ZC3H7B: variants seen among roughly 807,000 people sequenced by gnomAD.
ZC3H7B encodes the protein zinc finger CCCH-type containing 7B, also known as zinc finger CCCH domain-containing protein 7B.
A neutral mutation model predicts 116.0 loss-of-function variants in ZC3H7B; 35 were observed. The ratio of observed to expected loss-of-function variants is 0.30; its 90% CI spans 0.23 to 0.40. The LOEUF (loss-of-function observed/expected upper bound fraction) is 0.40. Ranked by LOEUF, ZC3H7B falls within the 10% of genes least tolerant of loss-of-function variation. The pLI is 1.00. For synonymous variants in ZC3H7B, 502 were observed against 545.6 expected (o/e 0.92, Z 1.11); for missense variants, 1,011 against 1,321.5 (o/e 0.77, Z 3.64).
intron 2 of ZC3H7B, 40 bp from the exon 3 acceptor site, chr22:41,325,524 G>A (rs771010699): frequency 1.2e-5 from 19 of 1,594,692 alleles, no homozygotes; most frequent in South Asian, 2.3e-5. Context: ...AGCTGGGACC[G>A]CCGGGCTCAC....
chr22:41,343,241 C>T (rs570550031), intron 12 of ZC3H7B, among the ~76,000 whole-genome samples, 174 bp from the exon 13 acceptor site: 10 of 152,292 alleles, frequency 6.6e-5, no homozygotes, highest in African/African-American at 9.6e-5. Context: ...CACAGTCCCC[C>T]GGTCTCCAGG....
chr22:41,318,061 A>G (rs2036206901), intron 1 of ZC3H7B, among the ~76,000 whole-genome samples: 1 of 152,248 alleles, frequency 6.6e-6, no homozygotes, highest in Non-Finnish European at 1.5e-5. Context: ...AAAGCTAGAC[A>G]TAGAGTGGCC....
intron 11 of ZC3H7B, among the ~76,000 whole-genome samples, chr22:41,342,019 G>A (rs936056428): frequency 7.3e-5 from 11 of 149,938 alleles, no homozygotes; most frequent in Non-Finnish European, 7.4e-5. Context: ...CTGAGAGCAC[G>A]CCATTGCACT....
intron 1 of ZC3H7B, among the ~76,000 whole-genome samples, chr22:41,313,402 G>A (rs1422724994): frequency 1.3e-5 from 2 of 152,068 alleles, no homozygotes; most frequent in Non-Finnish European, 2.9e-5. Flanking sequence ...GTGAGCCACC[G>A]TACCCGGCCA....
At chr22:41,325,532 C>T (rs1190823105) in intron 2 of ZC3H7B, 32 bp from the exon 3 acceptor site, 4 of 1,601,048 alleles carry the variant, frequency 2.5e-6, no homozygotes, top group Admixed American at 1.7e-5. Flanking sequence ...CCGCCGGGCT[C>T]ACCCAGGCCT....
intron 2 of ZC3H7B, among the ~76,000 whole-genome samples, chr22:41,321,829 CTTTTTTTTTT>C (rs199611879): frequency 2.5e-4 from 23 of 91,018 alleles, no homozygotes; most frequent in Middle Eastern, 0.013. Context: ...AACTCACATT[CTTTTTTTTTT>C]TTTTTTTTTT....
Position 41,346,962 on chromosome 22 carries a change from A to C in ZC3H7B, c.1665+754A>C, listed in dbSNP as rs1343450916. ...AGCCTGGGTGACAGAGTGAGACCCT[A>C]TTCCAAAAAAAAAAAAAAAAAAATG... is the stretch of plus-strand genomic sequence containing the variant. On this transcript the variant is annotated intron_variant, in intron 14 of 22. Transcript: ENST00000352645. The surrounding 1 kb of genome is among the most constrained non-coding windows in gnomAD (Gnocchi z 5.3). Among the ~76,000 whole-genome samples, 2 of 131,194 alleles carry C rather than the reference A, an allele frequency of 1.5e-5. No individual in the cohort carries two copies. The highest frequency in any genetic ancestry group is 3.2e-5 in the Non-Finnish European group (2 of 62,104). 86.1% of individuals were successfully genotyped at this position (131,194 alleles called of 152,430 possible).
intron 1 of ZC3H7B, among the ~76,000 whole-genome samples, chr22:41,315,480 G>T (rs116772608): frequency 6.6e-6 from 1 of 150,550 alleles, no homozygotes; most frequent in Non-Finnish European, 1.5e-5. Context: ...AAGCCCAGCC[G>T]TACCTCCCTC....
rs779378272 is a variant in ZC3H7B at position 41,327,387 on chromosome 22, G to A, written c.444+23G>A. 1.9e-5 allele frequency: 30 copies of A among 1,603,560 alleles called. No homozygotes were observed. The highest frequency in any genetic ancestry group is 1.9e-4 in the Middle Eastern group (1 of 5,332). ...CACGTGAGTGTGGCTCTGCAGCCAC[G>A]CCGGTGCCTGCTCAGAGGCCAGGCT... On this transcript the variant is annotated intron_variant, in intron 5 of 22. Coordinates refer to ENST00000352645, the MANE Select transcript of ZC3H7B (RefSeq NM_017590.6). This position sits in a 1 kb window ranked among gnomAD's most constrained non-coding sequence, Gnocchi z 4.5.
intron 10 of ZC3H7B, among the ~76,000 whole-genome samples, 195 bp downstream of exon 10, chr22:41,340,332 G>A (rs1465630768): frequency 6.6e-6 from 1 of 151,994 alleles, no homozygotes. Flanking sequence ...AGGGGTGGGT[G>A]TCTTGTTCAA....
rs2035991243 is a variant in ZC3H7B, at chr22:41,302,926, G to C, written c.-7+1154G>C. 6.6e-6 allele frequency among the ~76,000 whole-genome samples: 1 copy of C among 152,182 alleles called. No homozygotes were observed. Among genetic ancestry groups the C allele is most frequent in the East Asian group, 1.9e-4 (1 of 5,204 alleles). On this transcript the variant is annotated intron_variant, in intron 1 of 22. Coordinates refer to ENST00000352645, the MANE Select transcript of ZC3H7B (RefSeq NM_017590.6). The surrounding 1 kb of genome is among the most constrained non-coding windows in gnomAD (Gnocchi z 5.7). The stretch of plus-strand genomic sequence containing the variant: ...GTTGCTAGCTTTGGCATCAGACTTT[G>C]AACCCCAACTTCTTGCCATATTCCT...
chr22:41,346,309 C>T lies in ZC3H7B; in HGVS notation c.1665+101C>T, dbSNP rs912218713. ...ACCATAGGAAGTCAGCCCTGGAACC[C>T]GTGGGCTGTGGAGGCCTGGTCTTAG... On this transcript the variant is annotated intron_variant, in intron 14 of 22. Coordinates refer to ENST00000352645, the MANE Select transcript of ZC3H7B (RefSeq NM_017590.6). The surrounding 1 kb of genome is among the most constrained non-coding windows in gnomAD (Gnocchi z 5.3). The T allele has an allele frequency of 1.5e-5, 20 of 1,363,136 alleles. No homozygotes were observed. The East Asian group carries it at 2.5e-4, about 17-fold the overall frequency. 84.4% of individuals were successfully genotyped at this position (1,363,136 alleles called of 1,614,324 possible). A position where few individuals can be genotyped will look rare whatever the true frequency, so the allele number is the denominator to read the frequency against.
intron 5 of ZC3H7B, among the ~76,000 whole-genome samples, chr22:41,329,410 C>A (rs994130947): frequency 6.6e-6 from 1 of 151,884 alleles, no homozygotes; most frequent in African/African-American, 2.4e-5. Flanking sequence ...AGGCACCCAC[C>A]ACCATGCCCG....
intron 20 of ZC3H7B, 126 bp downstream of exon 20, chr22:41,356,188 C>T (rs1745666818): frequency 6.8e-7 from 1 of 1,462,032 alleles, no homozygotes. Context: ...TCTCCACCTG[C>T]CCCATGCCGG....
rs748251831 is a variant in ZC3H7B at position 41,341,129 on chromosome 22, C to CAGA, written c.1182_1184dup (p.Lys395dup). On this transcript the variant is annotated inframe_insertion, in exon 11 of 23. Coordinates refer to ENST00000352645, the MANE Select transcript of ZC3H7B (RefSeq NM_017590.6). ...GGACCACCGTCCCCCTAGCGGTGCT[C>CAGA]AGAAACCAGCCCCCTCGGTGAGTGA... 1 of 1,614,002 alleles carries CAGA rather than the reference C, an allele frequency of 6.2e-7. No homozygotes were observed. The highest frequency in any genetic ancestry group is 2.2e-5 in the East Asian group (1 of 44,870).
chr22:41,352,183 G>A (rs1289833063), intron 17 of ZC3H7B, among the ~76,000 whole-genome samples: 2 of 152,202 alleles, frequency 1.3e-5, no homozygotes, highest in Non-Finnish European at 2.9e-5. Context: ...TTTGCCTTGT[G>A]TTGCATTGAG....
At chr22:41,309,756 G>A (rs2036093948) in intron 1 of ZC3H7B, among the ~76,000 whole-genome samples, 1 of 152,132 alleles carries the variant, frequency 6.6e-6, no homozygotes, top group South Asian at 2.1e-4. Flanking sequence ...ACCAGGGAAA[G>A]GACTTTATTA....
intron 5 of ZC3H7B, among the ~76,000 whole-genome samples, chr22:41,328,260 C>T (rs143024545): frequency 4.1e-4 from 63 of 152,298 alleles, no homozygotes; most frequent in African/African-American, 1.1e-3. Flanking sequence ...AGGTTTCATC[C>T]GCACCACAGC....
Position 41,325,570 on chromosome 22 carries a change from A to G in ZC3H7B, c.60A>G (p.Thr20=), listed in dbSNP as rs779565279. The part of the protein sequence containing the change: ...IEKGLQFIQS[T]LPLKQEEYEA... ...TGTTTTCTTTTCCTGATAGGTCGACACTACCCCTAAAGCAAGAAGAATATG... is the reference window on the plus strand; with the variant it reads ...TGTTTTCTTTTCCTGATAGGTCGACGCTACCCCTAAAGCAAGAAGAATATG... Residue 20 remains threonine, a synonymous_variant, in exon 3 of 23, where the codon ACA becomes ACG. Coordinates refer to ENST00000352645, the MANE Select transcript of ZC3H7B (RefSeq NM_017590.6). The G allele has an allele frequency of 6.2e-7, 1 of 1,611,300 alleles. No homozygotes were observed.
Sources: gnomAD v4.1 joint callset for allele counts (sites outside exome capture counted in the v4.1 genomes callset) on GRCh38, gnomAD v4.1.1 for gene constraint, Gnocchi (gnomAD v3.1) non-coding constraint, MANE v1.5 for transcripts, NCBI Gene and HGNC (gene_info 2026-07-23, HGNC 2026-07-21) for gene names.